The following PCLO variants were observed in gnomAD, a reference collection of about 807,000 sequenced individuals.
PCLO encodes the protein piccolo presynaptic cytomatrix protein.
A neutral mutation model predicts 427.5 loss-of-function variants in PCLO; 82 were observed. That is an observed-to-expected ratio of 0.19 (90% CI 0.16 to 0.23). PCLO has a LOEUF of 0.23. PCLO is among the 10% of genes least tolerant of loss of function. The probability of loss-of-function intolerance (pLI) is 1.00; values close to 1 mark genes in which losing one functional copy is unlikely to be tolerated. For synonymous variants in PCLO, 2,357 were observed against 2,155.4 expected, an observed-to-expected ratio of 1.09 and a Z score of -2.59; for missense variants, 6,239 against 6,115.9, an observed-to-expected ratio of 1.02 and a Z score of -0.67.
intron 3 of PCLO, among the ~76,000 whole-genome samples, chr7:83,021,925 G>A (rs573356114): frequency 2.6e-5 from 4 of 152,278 alleles, no homozygotes; most frequent in African/African-American, 9.6e-5. Context: ...TGGCCTGCAA[G>A]CAAGCATTCT....
rs1220520342 is a variant in PCLO at position 82,918,457 on chromosome 7, A to C, written c.11113-1584T>G. ...ATTCTAGATCTTTACATATTCTTTCACTTGTAAAAAAGTACACATGTAACA... is the reference window on the plus strand; with the variant it reads ...ATTCTAGATCTTTACATATTCTTTCCCTTGTAAAAAAGTACACATGTAACA... On this transcript the variant is annotated intron_variant, in intron 6 of 24. Coordinates refer to ENST00000333891, the MANE Select transcript of PCLO (RefSeq NM_033026.6). Among the ~76,000 whole-genome samples, 4 of 152,120 alleles carry C rather than the reference A, an allele frequency of 2.6e-5. No individual in the cohort carries two copies. The South Asian group carries it at 8.3e-4, about 31-fold the overall frequency.
At chr7:83,142,890 G>A (rs1791898131) in intron 2 of PCLO, among the ~76,000 whole-genome samples, 1 of 152,062 alleles carries the variant, frequency 6.6e-6, no homozygotes, top group South Asian at 2.1e-4. Flanking sequence ...ACCAGGAGAT[G>A]GAGGTTGCAG....
rs990744445 is a variant in PCLO at position 82,879,827 on chromosome 7, T to C, written c.13529-365A>G. On this transcript the variant is annotated intron_variant, in intron 9 of 24. Coordinates refer to ENST00000333891, the MANE Select transcript of PCLO (RefSeq NM_033026.6). The stretch of plus-strand genomic sequence containing the variant: ...ATGAGACTAAGGAACATTTTACTTA[T>C]AGAAGAGCAGTAATGACTATTCCAA... 1.3e-5 allele frequency: 6 copies of C among 454,248 alleles called. No individual in the cohort carries two copies. The East Asian group carries it at 2.8e-4, about 21-fold the overall frequency. 28.1% of individuals were successfully genotyped at this position (454,248 alleles called of 1,614,324 possible). A position where few individuals can be genotyped will look rare whatever the true frequency, so the allele number is the denominator to read the frequency against.
At chr7:82,914,506 GC>G (rs1794396410) in intron 7 of PCLO, 179 bp downstream of exon 7, 1 of 673,066 alleles carries the variant, frequency 1.5e-6, no homozygotes. Flanking sequence ...ATAAAGAAAA[GC>G]ATGCTACAGA....
chr7:82,917,892 A>G (rs74340658), intron 6 of PCLO, among the ~76,000 whole-genome samples: 10,086 of 152,056 alleles, frequency 0.066, 454 homozygotes, highest in East Asian at 0.2. Flanking sequence ...TATTAATTAG[A>G]TCACATTTTT....
chr7:83,032,477 T>G (rs566846201), intron 3 of PCLO, among the ~76,000 whole-genome samples: 2 of 138,964 alleles, frequency 1.4e-5, no homozygotes, highest in African/African-American at 5.2e-5. Flanking sequence ...CCTCCCTTCC[T>G]TCCCTTCCTT....
chr7:83,122,932 G>A (rs1353939432), intron 3 of PCLO, among the ~76,000 whole-genome samples: 1 of 152,060 alleles, frequency 6.6e-6, no homozygotes, highest in East Asian at 1.9e-4. Context: ...AACCAAGGAA[G>A]TGAAAGTTCT....
chr7:83,149,965 A>G (rs1229582924), intron 2 of PCLO, among the ~76,000 whole-genome samples: 1 of 152,208 alleles, frequency 6.6e-6, no homozygotes, highest in Non-Finnish European at 1.5e-5. Context: ...GCTTCTGCCA[A>G]AAGACTTATA....
intron 3 of PCLO, among the ~76,000 whole-genome samples, chr7:83,022,304 T>TTGTTTATAAATTGTTTATAAAA (rs1788365256): frequency 6.6e-6 from 1 of 152,182 alleles, no homozygotes; most frequent in African/African-American, 2.4e-5. Flanking sequence ...TGTTTATAAA[T>TTGTTTATAAATTGTTTATAAAA]TACCCAGTCT....
At chr7:82,816,142 TC>T (rs2115602577) in intron 20 of PCLO, among the ~76,000 whole-genome samples, 1 of 152,184 alleles carries the variant, frequency 6.6e-6, no homozygotes, top group African/African-American at 2.4e-5. Context: ...CCACGTTTCT[TC>T]CCCCAGATCA....
intron 3 of PCLO, among the ~76,000 whole-genome samples, chr7:83,011,391 G>C (rs923438387): frequency 1.3e-5 from 2 of 151,706 alleles, no homozygotes; most frequent in Non-Finnish European, 2.9e-5. Flanking sequence ...TGATTAATCT[G>C]ATACTTGTTG....
chr7:82,860,083 G>A (rs1242980481), intron 10 of PCLO, among the ~76,000 whole-genome samples: 3 of 151,982 alleles, frequency 2.0e-5, no homozygotes, highest in Non-Finnish European at 2.9e-5. Context: ...TCTAGGAAAC[G>A]CCTCAAAAGG....
chr7:82,776,906 GCA>G (rs59900491), intron 22 of PCLO, among the ~76,000 whole-genome samples: 12,557 of 138,792 alleles, frequency 0.09, 1,054 homozygotes, highest in African/African-American at 0.23. Context: ...ATAGATATAC[GCA>G]CACACACACA....
intron 3 of PCLO, among the ~76,000 whole-genome samples, chr7:83,043,123 C>G (rs1215651465): frequency 6.6e-6 from 1 of 152,130 alleles, no homozygotes; most frequent in Admixed American, 6.5e-5. Context: ...CCTTCCCTTT[C>G]CCCATTGTGA....
chr7:83,148,093 T>C (rs1209004380), intron 2 of PCLO, among the ~76,000 whole-genome samples: 1 of 152,010 alleles, frequency 6.6e-6, no homozygotes, highest in Non-Finnish European at 1.5e-5. Context: ...CAGGCAGGAG[T>C]GAAGAAAACA....
intron 3 of PCLO, among the ~76,000 whole-genome samples, chr7:83,037,797 C>G (rs1042701404): frequency 6.7e-6 from 1 of 149,552 alleles, no homozygotes; most frequent in Non-Finnish European, 1.5e-5. Context: ...TTAAAATTCT[C>G]CAACTTATAA....
chr7:82,826,643 C>T lies in PCLO; in HGVS notation c.14361G>A (p.Leu4787=). 1.2e-6 allele frequency: 2 copies of T among 1,605,430 alleles called. No individual in the cohort carries two copies. The highest frequency in any genetic ancestry group is 8.5e-7 in the Non-Finnish European group (1 of 1,174,384). Reference sequence around the variant, plus strand: ...TATCATAATCCCAAACTGTCACCTCCAGTGTTTTCTTCTTGAGCTATATAG... The same window carrying T: ...TATCATAATCCCAAACTGTCACCTCTAGTGTTTTCTTCTTGAGCTATATAG... ...ISMEQLKKKT[L]EVTVWDYDRF... Residue 4787 remains leucine, a synonymous_variant, in exon 18 of 25, where the codon CTG becomes CTA. Coordinates refer to ENST00000333891, the MANE Select transcript of PCLO (RefSeq NM_033026.6).
At chr7:82,871,228 G>A (rs888491842) in intron 10 of PCLO, among the ~76,000 whole-genome samples, 1 of 151,832 alleles carries the variant, frequency 6.6e-6, no homozygotes, top group African/African-American at 2.4e-5. Context: ...AGAGATGAAT[G>A]AGTAAAAACT....
intron 3 of PCLO, among the ~76,000 whole-genome samples, chr7:83,052,082 T>C (rs1789269401): frequency 2.0e-5 from 3 of 151,250 alleles, no homozygotes; most frequent in Admixed American, 6.6e-5. Context: ...ATGATAAAAC[T>C]CCTAGGAGAT....
Sources: allele counts gnomAD v4.1 joint callset (sites outside exome capture counted in the v4.1 genomes callset), GRCh38; gene constraint gnomAD v4.1.1; transcripts MANE v1.5; gene names NCBI Gene and HGNC (gene_info 2026-07-23, HGNC 2026-07-21).